Variants in KHDRBS2 observed in about 807,000 individuals in gnomAD.
KHDRBS2 encodes the protein KH RNA binding domain containing, signal transduction associated 2.
In KHDRBS2, 26 loss-of-function variants were observed where a neutral mutation model predicts 44.3. That is an observed-to-expected ratio of 0.59 (90% CI 0.43 to 0.81). KHDRBS2 has a LOEUF of 0.81. Among genes scored for constraint, KHDRBS2 ranks in the 40% least tolerant of loss-of-function variants. The probability of loss-of-function intolerance (pLI) is 0.00; values close to 1 mark genes in which losing one functional copy is unlikely to be tolerated. For synonymous variants in KHDRBS2, 194 were observed against 151.1 expected (o/e 1.28, Z -2.08); for missense variants, 476 against 433.1 (o/e 1.10, Z -0.88).
At chr6:61,851,346 T>A (rs1343588483) in intron 6 of KHDRBS2, among the ~76,000 whole-genome samples, 1 of 152,014 alleles carries the variant, frequency 6.6e-6, no homozygotes, top group Non-Finnish European at 1.5e-5. Flanking sequence ...ACAACATAAA[T>A]TCAGGCTTTT....
At chr6:61,890,620 C>T (rs1243589741) in intron 6 of KHDRBS2, among the ~76,000 whole-genome samples, 1 of 152,162 alleles carries the variant, frequency 6.6e-6, no homozygotes, top group African/African-American at 2.4e-5. Flanking sequence ...GACAAAAACA[C>T]CATAGTGACA....
intron 4 of KHDRBS2, among the ~76,000 whole-genome samples, chr6:61,957,740 T>G (rs1767728380): frequency 6.6e-6 from 1 of 152,174 alleles, no homozygotes; most frequent in South Asian, 2.1e-4. Context: ...GATCTCACCC[T>G]GCCTCCATTT....
chr6:61,766,575 A>G (rs551825482), intron 6 of KHDRBS2, among the ~76,000 whole-genome samples: 1 of 151,884 alleles, frequency 6.6e-6, no homozygotes, highest in South Asian at 2.1e-4. Flanking sequence ...AAGTTTTTCT[A>G]CTTTTTTGAT....
chr6:62,274,573 G>C (rs767643189), intron 1 of KHDRBS2, among the ~76,000 whole-genome samples: 20 of 151,880 alleles, frequency 1.3e-4, no homozygotes, highest in Non-Finnish European at 1.2e-4. Context: ...TCAGATTTTA[G>C]AGATGTTGTT....
At chr6:62,065,811 C>T (rs1031263957) in intron 2 of KHDRBS2, among the ~76,000 whole-genome samples, 1 of 150,788 alleles carries the variant, frequency 6.6e-6, no homozygotes, top group Non-Finnish European at 1.5e-5. Context: ...CCATGTTTTA[C>T]CAAAATAACA....
At chr6:62,170,952 C>CAAAAAAAAAAAAAAAACAAA (rs34963723) in intron 2 of KHDRBS2, among the ~76,000 whole-genome samples, 1 of 129,822 alleles carries the variant, frequency 7.7e-6, no homozygotes. Flanking sequence ...AAGATAAACG[C>CAAAAAAAAAAAAAAAACAAA]AAAAAAAAAA....
At chr6:61,669,366 T>C in the KHDRBS2 span, among the ~76,000 whole-genome samples, 1 of 150,874 alleles carries the variant, frequency 6.6e-6, no homozygotes, top group Non-Finnish European at 1.5e-5. Flanking sequence ...TGCAACATCA[T>C]TGTAAGGATT....
At position 62,082,058 on chromosome 6, in the gene KHDRBS2, C is replaced by A. The variant is rs534998677; in HGVS notation, c.220-34064G>T. Among the ~76,000 whole-genome samples the A allele has an allele frequency of 5.9e-5, 9 of 151,978 alleles. No individual in the cohort carries two copies. The East Asian group carries it at 1.5e-3, about 26-fold the overall frequency. ...TTAGAATGAAGAAAATAGTTGTATG[C>A]CCAATGGGAATTGATAATTTACCAT... On this transcript the variant is annotated intron_variant, in intron 2 of 8. Coordinates refer to ENST00000281156, the MANE Select transcript of KHDRBS2 (RefSeq NM_152688.4).
At chr6:62,258,582 T>C (rs944698763) in intron 1 of KHDRBS2, among the ~76,000 whole-genome samples, 3 of 152,024 alleles carry the variant, frequency 2.0e-5, no homozygotes, top group Non-Finnish European at 4.4e-5. Context: ...ATGTTCAATG[T>C]ACATAAACTT....
intron 6 of KHDRBS2, among the ~76,000 whole-genome samples, chr6:61,837,855 T>C (rs1792965640): frequency 6.6e-6 from 1 of 151,972 alleles, no homozygotes; most frequent in Non-Finnish European, 1.5e-5. Context: ...TGGACAACTA[T>C]GAGAGCAAGA....
At chr6:62,101,150 C>T (rs185463113) in intron 2 of KHDRBS2, among the ~76,000 whole-genome samples, 98 of 152,148 alleles carry the variant, frequency 6.4e-4, no homozygotes, top group African/African-American at 2.2e-3. Flanking sequence ...GAATAAAACA[C>T]GCAAGGTATG....
rs188883300 is a variant in KHDRBS2, at chr6:61,806,151, T to C, written c.811-73387A>G. 8.4e-4 allele frequency among the ~76,000 whole-genome samples: 128 copies of C among 152,278 alleles called. 4 individuals are homozygous for C. The South Asian group carries it at 0.023, about 27-fold the overall frequency. ...TTTCCTCAAGAAGTGTGGTCTACAT[T>C]CTCCTTTTTCTTAAATATGATAAGG... On this transcript the variant is annotated intron_variant, in intron 6 of 8. Coordinates refer to ENST00000281156, the MANE Select transcript of KHDRBS2 (RefSeq NM_152688.4).
chr6:62,094,662 C>T (rs1800185722), intron 2 of KHDRBS2, among the ~76,000 whole-genome samples: 2 of 151,870 alleles, frequency 1.3e-5, no homozygotes, highest in South Asian at 4.1e-4. Context: ...AGCTTTCCCC[C>T]TACTTTCTCC....
intron 1 of KHDRBS2, among the ~76,000 whole-genome samples, chr6:62,274,856 C>A (rs916793560): frequency 2.0e-5 from 3 of 151,976 alleles, no homozygotes; most frequent in Non-Finnish European, 2.9e-5. Context: ...CAATAAGAAC[C>A]AATTGGGTCA....
intron 2 of KHDRBS2, among the ~76,000 whole-genome samples, chr6:62,055,984 A>G (rs933477469): frequency 2.6e-5 from 4 of 151,962 alleles, no homozygotes; most frequent in African/African-American, 9.7e-5. Flanking sequence ...TGTGATCATG[A>G]CAGGCTTCAT....
Position 61,697,208 on chromosome 6 carries a change from G to A in KHDRBS2, c.939C>T (p.Ala313=). The change falls in exon 8 of 9, where the codon GCC becomes GCT. Residue 313 remains alanine, a synonymous_variant. Coordinates refer to ENST00000281156, the MANE Select transcript of KHDRBS2 (RefSeq NM_152688.4). The part of the protein sequence containing the change: ...YDYGHGVSED[A]YDSYAPEEWA... ...AAAAGGTCTTACCGTAGCTGTCATA[G>A]GCATCCTCACTTACTCCATGACCGT... 1 of 1,607,804 alleles carries A rather than the reference G, an allele frequency of 6.2e-7. No homozygotes were observed. The highest frequency in any genetic ancestry group is 8.5e-7 in the Non-Finnish European group (1 of 1,174,446).
chr6:61,558,880 A>G, the KHDRBS2 span, among the ~76,000 whole-genome samples: 1 of 152,246 alleles, frequency 6.6e-6, no homozygotes, highest in Non-Finnish European at 1.5e-5. Flanking sequence ...GAGGAAAGGA[A>G]TATGTGTTCT....
intron 1 of KHDRBS2, among the ~76,000 whole-genome samples, chr6:62,246,213 G>GTA (rs1241438853): frequency 2.0e-5 from 3 of 149,652 alleles, no homozygotes; most frequent in African/African-American, 7.4e-5. Context: ...GAAGAGGAAT[G>GTA]TATATTAAAA....
At chr6:61,800,209 G>C (rs1786039219) in intron 6 of KHDRBS2, among the ~76,000 whole-genome samples, 1 of 151,978 alleles carries the variant, frequency 6.6e-6, no homozygotes, top group African/African-American at 2.4e-5. Context: ...CTTTTTCAAA[G>C]GGAATGATTA....
Sources: gnomAD v4.1 joint callset for allele counts (sites outside exome capture counted in the v4.1 genomes callset) on GRCh38, gnomAD v4.1.1 for gene constraint, MANE v1.5 for transcripts, NCBI Gene and HGNC (gene_info 2026-07-23, HGNC 2026-07-21) for gene names.